The following RNF31 variants were observed in gnomAD, a reference collection of about 807,000 sequenced individuals.
The protein encoded by RNF31 is E3 ubiquitin-protein ligase RNF31.
Under a neutral mutation model 133.6 loss-of-function variants are expected in RNF31, and 38 were observed. The observed-to-expected ratio is 0.28, with a 90% CI of 0.22 to 0.37. The LOEUF (loss-of-function observed/expected upper bound fraction) is 0.37, where lower values mean the gene tolerates loss of function less well. Among genes scored for constraint, RNF31 ranks in the 10% least tolerant of loss-of-function variants. The pLI is 1.00. For synonymous variants in RNF31, 582 were observed against 552.3 expected (o/e 1.05, Z -0.75); for missense variants, 1,118 against 1,394.1 (o/e 0.80, Z 3.15).
At position 24,160,185 on chromosome 14, in the gene RNF31, C is replaced by T; in HGVS notation, c.2997-54C>T. On this transcript the variant is annotated intron_variant, in intron 19 of 20. Transcript: ENST00000324103. The surrounding 1 kb of genome is among the most constrained non-coding windows in gnomAD (Gnocchi z 4.0). The stretch of plus-strand genomic sequence containing the variant: ...TCTCAGAGTCCAGCTATGTTAGACA[C>T]ACTCAGTTAATATTAGCCAACACAA... The T allele has an allele frequency of 1.3e-6, 2 of 1,565,724 alleles. No homozygotes were observed. Among genetic ancestry groups the T allele is most frequent in the Non-Finnish European group, 1.7e-6 (2 of 1,153,156 alleles).
chr14:24,158,037 G>A, intron 17 of RNF31, 26 bp downstream of exon 17: 17 of 1,611,762 alleles, frequency 1.1e-5, no homozygotes, highest in Non-Finnish European at 1.3e-5. Context: ...GAGAGAAGAA[G>A]ACAGGGCCCA....
At position 24,157,145 on chromosome 14, in the gene RNF31, CCT is replaced by C. The variant is rs998604883; in HGVS notation, c.2494-141_2494-140del. The C allele has an allele frequency of 1.2e-5, 7 of 598,910 alleles. No homozygotes were observed. In the African/African-American group the frequency reaches 1.3e-4, roughly 11 times the overall value. The allele number at this position is 598,910 out of a possible 1,614,324, so 37.1% of individuals were successfully genotyped here. On this transcript the variant is annotated intron_variant, in intron 14 of 20. Transcript: ENST00000324103. ...GAGAAAATGAAAGGACCAAGGATGG[CCT>C]CTCATTTTGAGATCTGAGCAAATGG...
chr14:24,154,644 T>C (rs1412623035), intron 11 of RNF31, among the ~76,000 whole-genome samples: 1 of 152,198 alleles, frequency 6.6e-6, no homozygotes, highest in Non-Finnish European at 1.5e-5. Context: ...ATTGCTCCAA[T>C]GTTAGCTATA....
chr14:24,159,651 G>T, intron 18 of RNF31: 1 of 397,798 alleles, frequency 2.5e-6, no homozygotes, highest in Non-Finnish European at 4.6e-6. Context: ...AAGCCAGCTT[G>T]GATAAAAGTA....
At chr14:24,148,558 G>A in intron 3 of RNF31, 84 bp from the exon 4 acceptor site, 2 of 1,586,408 alleles carry the variant, frequency 1.3e-6, no homozygotes, top group African/African-American at 2.7e-5. Context: ...TTTTCCTTCT[G>A]TGAATGTTAA....
In RNF31 at chr14:24,158,018, G is replaced by C. The variant is rs1210085990; in HGVS notation, c.2841+7G>C. On this transcript the variant is annotated splice_region_variant and intron_variant, in intron 17 of 20. Transcript: ENST00000324103. ...GCTTCAGAAGCTGCTACAGGTCAGAGGTGGCCAGGAGAGAAGAAGACAGGG... is the reference window on the plus strand; with the variant it reads ...GCTTCAGAAGCTGCTACAGGTCAGACGTGGCCAGGAGAGAAGAAGACAGGG... 6.2e-7 allele frequency: 1 copy of C among 1,613,750 alleles called. No homozygotes were observed. Among genetic ancestry groups the C allele is most frequent in the East Asian group, 2.2e-5 (1 of 44,902 alleles).
chr14:24,150,091 G>T lies in RNF31; in HGVS notation c.840G>T (p.Gln280His), dbSNP rs2038239753. The T allele has an allele frequency of 6.3e-7, 1 of 1,595,618 alleles. No homozygotes were observed. Among genetic ancestry groups the T allele is most frequent in the Non-Finnish European group, 8.6e-7 (1 of 1,167,932 alleles). Residue 280 changes from glutamine (Q) to histidine (H), a missense_variant, in exon 7 of 21, where the codon CAG (glutamine) becomes CAT (histidine). Gln to His is a conservative substitution (Grantham distance 24, BLOSUM62 0). Transcript: ENST00000324103. Reference sequence around the variant, plus strand: ...CTGCCTCAGCCCAACCACGGCCCCAGTCGACCTCCCTGCTGGCCCTGGGAG... The same window carrying T: ...CTGCCTCAGCCCAACCACGGCCCCATTCGACCTCCCTGCTGGCCCTGGGAG... ...SLPASAQPRPQSTSLLALGDS... is the reference protein window; with the variant it reads ...SLPASAQPRPHSTSLLALGDS...
At chr14:24,148,443 T>C in intron 3 of RNF31, 30 bp downstream of exon 3, 1 of 1,613,712 alleles carries the variant, frequency 6.2e-7, no homozygotes, top group Non-Finnish European at 8.5e-7. Flanking sequence ...TTGATGGACT[T>C]ATGCACCAGG....
At chr14:24,149,088 C>T (rs908360159) in intron 5 of RNF31, 7 of 611,382 alleles carry the variant, frequency 1.1e-5, no homozygotes, top group Admixed American at 5.8e-5. Context: ...CTCAGCCTCC[C>T]GAGTAGCTGG....
rs772972749 is a variant in RNF31, at chr14:24,148,826, C to T, written c.581C>T (p.Pro194Leu). The change falls in exon 5 of 21, where the codon CCC becomes CTC. Residue 194 changes from proline (P) to leucine (L), a missense_variant. By Grantham distance (98) the Pro-to-Leu change is moderately conservative (BLOSUM62 -3). Around this residue, in one of 3 missense-constraint regions of RNF31, gnomAD observed 747 missense variants for 827.9 expected, o/e 0.90. Coordinates refer to ENST00000324103, the MANE Select transcript of RNF31 (RefSeq NM_017999.5). Reference protein sequence around the residue: ...DDMLQLSEFDPLLREIAPGPL... With the variant: ...DDMLQLSEFDLLLREIAPGPL... ...ATGCTGCAGCTTTCAGAATTTGACC[C>T]CCTATTGAGAGAGATTGCTCCTGGC... is the stretch of plus-strand genomic sequence containing the variant. 6.2e-7 allele frequency: 1 copy of T among 1,614,130 alleles called. No homozygotes were observed. Among genetic ancestry groups the T allele is most frequent in the Non-Finnish European group, 8.5e-7 (1 of 1,180,006 alleles).
In RNF31 at chr14:24,151,034, A is replaced by G. The variant is rs2038257614; in HGVS notation, c.1489-97A>G. 1.9e-6 allele frequency: 3 copies of G among 1,559,096 alleles called. No homozygotes were observed. The highest frequency in any genetic ancestry group is 2.6e-6 in the Non-Finnish European group (3 of 1,148,946). The stretch of plus-strand genomic sequence containing the variant: ...GTTACCATTGCTGTACACTGATGAC[A>G]TGATCCATATGTCTGAGCTGAGCCA... On this transcript the variant is annotated intron_variant, in intron 8 of 20. Coordinates refer to ENST00000324103, the MANE Select transcript of RNF31 (RefSeq NM_017999.5). This position sits in a 1 kb window ranked among gnomAD's most constrained non-coding sequence, Gnocchi z 5.3.
Position 24,160,462 on chromosome 14 carries a change from G to A in RNF31, c.3165+55G>A, listed in dbSNP as rs1308427052. Reference sequence around the variant, plus strand: ...ACCCACCCTACAGAAGTCACCTGGTGCTGACTGTGTCTGAGCTCCAGGCTT... The same window carrying A: ...ACCCACCCTACAGAAGTCACCTGGTACTGACTGTGTCTGAGCTCCAGGCTT... On this transcript the variant is annotated intron_variant, in intron 20 of 20. Transcript: ENST00000324103. This position sits in a 1 kb window ranked among gnomAD's most constrained non-coding sequence, Gnocchi z 4.0. 3 of 1,587,522 alleles carry A rather than the reference G, an allele frequency of 1.9e-6. No individual in the cohort carries two copies. Among genetic ancestry groups the A allele is most frequent in the Admixed American group, 1.7e-5 (1 of 57,454 alleles).
chr14:24,153,261 A>G (rs558978505), intron 11 of RNF31, among the ~76,000 whole-genome samples: 47 of 152,006 alleles, frequency 3.1e-4, no homozygotes, highest in African/African-American at 1.0e-3. Context: ...CATGGGCAAC[A>G]TAACAAGACT....
chr14:24,158,222 G>A (rs770046233), intron 18 of RNF31, 23 bp downstream of exon 18: 2 of 1,611,020 alleles, frequency 1.2e-6, no homozygotes. Flanking sequence ...ACAAGCCTTT[G>A]AGAAGAGGAG....
chr14:24,153,080 TAAAA>T (rs750111205), intron 11 of RNF31, among the ~76,000 whole-genome samples: 1 of 136,956 alleles, frequency 7.3e-6, no homozygotes, highest in African/African-American at 2.7e-5. Flanking sequence ...GACTCCGTCT[TAAAA>T]AAAAAAAAAA....
At position 24,155,799 on chromosome 14, in the gene RNF31, A is replaced by T; in HGVS notation, c.2493+107A>T. ...GAGAGCAAAACAGACATGAGCTCTG[A>T]GGTCAAAAGAGCTTACAGACTACTC... On this transcript the variant is annotated intron_variant, in intron 14 of 20. Coordinates refer to ENST00000324103, the MANE Select transcript of RNF31 (RefSeq NM_017999.5). This position sits in a 1 kb window ranked among gnomAD's most constrained non-coding sequence, Gnocchi z 4.9. The T allele has an allele frequency of 1.1e-6, 1 of 887,134 alleles. No homozygotes were observed. The highest frequency in any genetic ancestry group is 1.9e-5 in the Admixed American group (1 of 51,542). 55.0% of individuals were successfully genotyped at this position (887,134 alleles called of 1,614,324 possible). A position where few individuals can be genotyped will look rare whatever the true frequency, so the allele number is the denominator to read the frequency against.
At position 24,150,419 on chromosome 14, in the gene RNF31, G is replaced by A; in HGVS notation, c.1168G>A (p.Asp390Asn). The change falls in exon 7 of 21, where the codon GAT becomes AAT. Residue 390 changes from aspartate (D) to asparagine (N), a missense_variant. Around this residue, in one of 3 missense-constraint regions of RNF31, gnomAD observed 747 missense variants for 827.9 expected, o/e 0.90. Transcript: ENST00000324103. ...QPPSLVVDSR[D>N]AGICLQPLQQ... ...TCCCAGCTTGGTGGTGGATTCCCGA[G>A]ATGCTGGCATTTGCCTGCAACCCCT... The A allele has an allele frequency of 1.2e-6, 2 of 1,611,970 alleles. No individual in the cohort carries two copies. Among genetic ancestry groups the A allele is most frequent in the African/African-American group, 1.3e-5 (1 of 75,024 alleles).
Position 24,151,804 on chromosome 14 carries a change from T to G in RNF31, c.1942T>G (p.Leu648Val). The G allele has an allele frequency of 6.2e-7, 1 of 1,611,272 alleles. No homozygotes were observed. Among genetic ancestry groups the G allele is most frequent in the Non-Finnish European group, 8.5e-7 (1 of 1,178,180 alleles). Residue 648 changes from leucine (L) to valine (V), a missense_variant, in exon 11 of 21, where the codon TTG becomes GTG. Around this residue, in one of 3 missense-constraint regions of RNF31, gnomAD observed 747 missense variants for 827.9 expected, o/e 0.90. Coordinates refer to ENST00000324103, the MANE Select transcript of RNF31 (RefSeq NM_017999.5). This position sits in a 1 kb window ranked among gnomAD's most constrained non-coding sequence, Gnocchi z 5.3. The stretch of plus-strand genomic sequence containing the variant: ...ATTGCAGAGCCTGGTCAGGCGGCTT[T>G]TGGCAGTCTACGCACTCCCCAGCTG... ...PDKQSLVRRLLAVYALPSWGR... is the reference protein window; with the variant it reads ...PDKQSLVRRLVAVYALPSWGR...
At chr14:24,153,223 T>TA (rs2038294674) in intron 11 of RNF31, among the ~76,000 whole-genome samples, 1 of 151,920 alleles carries the variant, frequency 6.6e-6, no homozygotes, top group African/African-American at 2.4e-5. Flanking sequence ...GGTGGGAGAA[T>TA]ACCTTGAAGC....
Sources: allele counts gnomAD v4.1 joint callset (sites outside exome capture counted in the v4.1 genomes callset), GRCh38; gene constraint gnomAD v4.1.1; regional missense constraint gnomAD v4.1.1; non-coding constraint Gnocchi (gnomAD v3.1); transcripts MANE v1.5; gene names NCBI Gene and HGNC (gene_info 2026-07-23, HGNC 2026-07-21).